Variants in TECRL observed in about 807,000 individuals in gnomAD.
TECRL encodes trans-2,3-enoyl-CoA reductase-like.
TECRL carries 63 observed loss-of-function variants against 52.8 expected under a neutral mutation model. The observed-to-expected ratio is 1.19, with a 90% CI of 0.97 to 1.47. TECRL has a LOEUF of 1.47. Among genes scored for constraint, TECRL ranks in the 40% most tolerant of loss-of-function variants. The probability of loss-of-function intolerance (pLI) is 0.00; values close to 1 mark genes in which losing one functional copy is unlikely to be tolerated. For missense variants in TECRL, 482 were observed against 429.6 expected (o/e 1.12, Z -1.08); for synonymous variants, 164 against 141.9 (o/e 1.16, Z -1.10).
In TECRL at chr4:64,314,590, G is replaced by GGTGTGT. The variant is rs5858876; in HGVS notation, c.551+52_551+57dup. The GGTGTGT allele has an allele frequency of 1.5e-4, 111 of 746,016 alleles. No individual in the cohort carries two copies. The African/African-American group carries it at 1.7e-3, about 11-fold the overall frequency. 46.2% of individuals were successfully genotyped at this position (746,016 alleles called of 1,614,324 possible). A position where few individuals can be genotyped will look rare whatever the true frequency, so the allele number is the denominator to read the frequency against. ...AGTTCATCCCCTCCTTAACGTGTAT[G>GGTGTGT]GTGTGTGTGTGTGTGTGTGTGTGTG... On this transcript the variant is annotated intron_variant, in intron 5 of 11. Coordinates refer to ENST00000381210, the MANE Select transcript of TECRL (RefSeq NM_001010874.5).
At chr4:64,387,543 C>T (rs1161705068) in intron 1 of TECRL, among the ~76,000 whole-genome samples, 1 of 152,076 alleles carries the variant, frequency 6.6e-6, no homozygotes, top group Non-Finnish European at 1.5e-5. Context: ...AATGAGAGTT[C>T]CTGTTTTTCC....
intron 2 of TECRL, among the ~76,000 whole-genome samples, chr4:64,362,323 C>G (rs12502747): frequency 0.89 from 135,675 of 152,010 alleles, 61,332 homozygotes; most frequent in East Asian, 1. Context: ...TAGAAAGGTC[C>G]ACATGCAAAT....
intron 8 of TECRL, among the ~76,000 whole-genome samples, chr4:64,293,693 T>C (rs1723520579): frequency 6.6e-6 from 1 of 151,892 alleles, no homozygotes; most frequent in South Asian, 2.1e-4. Flanking sequence ...ATCAAGTTGA[T>C]CATTCTCTTC....
chr4:64,361,064 C>T (rs902282596), intron 2 of TECRL, among the ~76,000 whole-genome samples: 1 of 46,490 alleles, frequency 2.2e-5, no homozygotes, highest in Non-Finnish European at 5.6e-5. Flanking sequence ...CCAGTCTGAT[C>T]TAAGCAGCCC....
chr4:64,402,867 A>G lies in TECRL; in HGVS notation c.234+6251T>C, dbSNP rs572454492. ...CACGTGTCTTATCTCCCAATCTCCC[A>G]TTGTTTATAATCCCCCATCCCAGAT... On this transcript the variant is annotated intron_variant, in intron 1 of 11. Transcript: ENST00000381210. Among the ~76,000 whole-genome samples the G allele has an allele frequency of 1.4e-3, 218 of 152,202 alleles. 2 individuals are homozygous for G. Among genetic ancestry groups the G allele is most frequent in the Non-Finnish European group, 2.6e-4 (18 of 67,990 alleles).
chr4:64,381,750 T>C (rs994041214), intron 1 of TECRL, among the ~76,000 whole-genome samples: 1 of 152,114 alleles, frequency 6.6e-6, no homozygotes, highest in Non-Finnish European at 1.5e-5. Flanking sequence ...TCCTACTAAA[T>C]CATAGGGTAT....
chr4:64,350,974 T>C, intron 2 of TECRL, among the ~76,000 whole-genome samples: 1 of 146,238 alleles, frequency 6.8e-6, no homozygotes, highest in Non-Finnish European at 1.5e-5. Flanking sequence ...CCAAGTAAAA[T>C]ATGGGTTATG....
chr4:64,405,586 A>T (rs1201366421), intron 1 of TECRL, among the ~76,000 whole-genome samples: 1 of 152,152 alleles, frequency 6.6e-6, no homozygotes, highest in African/African-American at 2.4e-5. Context: ...AGCTCAATAG[A>T]TTAAATCGAT....
At chr4:64,337,296 T>C (rs1273727374) in intron 2 of TECRL, among the ~76,000 whole-genome samples, 1 of 152,096 alleles carries the variant, frequency 6.6e-6, no homozygotes, top group East Asian at 1.9e-4. Flanking sequence ...AAGAGCTATT[T>C]ATGACAAACC....
chr4:64,313,849 T>G (rs1271281210), intron 5 of TECRL, among the ~76,000 whole-genome samples: 4 of 149,626 alleles, frequency 2.7e-5, no homozygotes, highest in Non-Finnish European at 5.9e-5. Flanking sequence ...AAAAGTAACT[T>G]GTGGCCGGGC....
intron 2 of TECRL, among the ~76,000 whole-genome samples, chr4:64,361,182 A>G (rs1274866219): frequency 6.6e-6 from 1 of 152,078 alleles, no homozygotes; most frequent in African/African-American, 2.4e-5. Flanking sequence ...GACCCTGACT[A>G]TCCACCAGAG....
At chr4:64,336,474 AT>A (rs1280896488) in intron 2 of TECRL, among the ~76,000 whole-genome samples, 1 of 152,034 alleles carries the variant, frequency 6.6e-6, no homozygotes, top group African/African-American at 2.4e-5. Flanking sequence ...GGATACATTG[AT>A]TTTTTGAAGG....
Position 64,322,857 on chromosome 4 carries a change from T to A in TECRL, c.332-65A>T, listed in dbSNP as rs548242332. On this transcript the variant is annotated intron_variant, in intron 3 of 11. Coordinates refer to ENST00000381210, the MANE Select transcript of TECRL (RefSeq NM_001010874.5). ...TTTCTTAGCATAACGATAAAGAATTTCTTAGTGTAAAATCAGTAAAAGCTA... is the reference window on the plus strand; with the variant it reads ...TTTCTTAGCATAACGATAAAGAATTACTTAGTGTAAAATCAGTAAAAGCTA... 3 of 1,217,366 alleles carry A rather than the reference T, an allele frequency of 2.5e-6. No individual in the cohort carries two copies. The South Asian group carries it at 4.3e-5, about 17-fold the overall frequency. 75.4% of individuals were successfully genotyped at this position (1,217,366 alleles called of 1,614,324 possible). A position where few individuals can be genotyped will look rare whatever the true frequency, so the allele number is the denominator to read the frequency against.
Position 64,280,052 on chromosome 4 carries a change from T to C in TECRL, c.*20A>G, listed in dbSNP as rs1395326933. The stretch of plus-strand genomic sequence containing the variant: ...TGAATTTATATGTTGCTGTTTTCTA[T>C]AGGAGATAAGATTCTTTTTTTACAA... On this transcript the variant is annotated 3_prime_UTR_variant, in exon 12 of 12. Transcript: ENST00000381210. 4 of 1,579,474 alleles carry C rather than the reference T, an allele frequency of 2.5e-6. No homozygotes were observed. The highest frequency in any genetic ancestry group is 2.0e-4 in the Middle Eastern group (1 of 4,988).
chr4:64,402,809 G>C (rs934207491), intron 1 of TECRL, among the ~76,000 whole-genome samples: 14 of 152,040 alleles, frequency 9.2e-5, no homozygotes, highest in Non-Finnish European at 8.8e-5. Flanking sequence ...AAAAAGATCT[G>C]CTACCTACAA....
intron 2 of TECRL, among the ~76,000 whole-genome samples, chr4:64,340,372 G>T (rs938004528): frequency 3.3e-5 from 5 of 152,172 alleles, no homozygotes; most frequent in African/African-American, 1.2e-4. Context: ...GAGGTCTAGG[G>T]AGGCCCCGCT....
In TECRL at chr4:64,328,232, TGACCAGTTAAAGCTTCACAGAC is replaced by T. The variant is rs548488441; in HGVS notation, c.331+258_331+279del. Among the ~76,000 whole-genome samples the T allele has an allele frequency of 1.6e-3, 236 of 151,972 alleles. 1 individual carries two copies. Among genetic ancestry groups the T allele is most frequent in the African/African-American group, 5.4e-3 (223 of 41,506 alleles). ...ATTATGGAGCAGTAGAATGAGAAGG[TGACCAGTTAAAGCTTCACAGAC>T]GACCAGTTAAAGCTTCACAAACAAA... On this transcript the variant is annotated intron_variant, in intron 3 of 11. Transcript: ENST00000381210.
intron 8 of TECRL, chr4:64,299,041 T>C (rs755096665): frequency 3.3e-5 from 5 of 151,136 alleles, no homozygotes; most frequent in Non-Finnish European, 5.9e-5. Flanking sequence ...AATACATAAA[T>C]AATCTGTGCT....
chr4:64,409,085 C>A, intron 1 of TECRL, 33 bp downstream of exon 1: 1 of 1,518,608 alleles, frequency 6.6e-7, no homozygotes, highest in Admixed American at 2.0e-5. Context: ...AACACTTAAA[C>A]AAACAAACAA....
Sources: allele counts gnomAD v4.1 joint callset (sites outside exome capture counted in the v4.1 genomes callset), GRCh38; gene constraint gnomAD v4.1.1; transcripts MANE v1.5; gene names NCBI Gene and HGNC (gene_info 2026-07-23, HGNC 2026-07-21).